Variants in CHN2 observed in about 807,000 individuals in gnomAD.
The protein encoded by CHN2 is chimerin 2.
In CHN2, 35 loss-of-function variants were observed where a neutral mutation model predicts 56.3. That is an observed-to-expected ratio of 0.62 (90% CI 0.47 to 0.82). The LOEUF (loss-of-function observed/expected upper bound fraction) is 0.82, where lower values mean the gene tolerates loss of function less well. Ranked by LOEUF, CHN2 falls within the 40% of genes least tolerant of loss-of-function variation. The pLI is 0.00. For synonymous variants in CHN2, 210 were observed against 212.8 expected (o/e 0.99, Z 0.12); for missense variants, 491 against 580.5 (o/e 0.85, Z 1.58).
At chr7:29,355,649 A>G (rs1585144244) in intron 2 of CHN2, among the ~76,000 whole-genome samples, 2 of 151,946 alleles carry the variant, frequency 1.3e-5, no homozygotes, top group Non-Finnish European at 2.9e-5. Context: ...TTCTGCTGTC[A>G]TCATTAGCAT....
intron 12 of CHN2, among the ~76,000 whole-genome samples, chr7:29,510,557 C>A (rs892855575): frequency 2.8e-4 from 42 of 152,168 alleles, no homozygotes; most frequent in African/African-American, 9.6e-4. Context: ...AGGCCTCACT[C>A]CCTCACCAGC....
chr7:29,212,978 G>A lies in CHN2; in HGVS notation c.49+17988G>A, dbSNP rs902871719. ...CACTCCTGGAACACTCAGACCTGGT[G>A]CACCCAGTCCTGGAACAATCAGGCC... On this transcript the variant is annotated intron_variant, in intron 1 of 12. Transcript: ENST00000222792. 5.6e-6 allele frequency: 9 copies of A among 1,609,388 alleles called. No homozygotes were observed. In the African/African-American group the frequency reaches 1.1e-4, roughly 19 times the overall value.
chr7:29,330,435 G>C (rs1464617348), intron 1 of CHN2, among the ~76,000 whole-genome samples: 1 of 152,190 alleles, frequency 6.6e-6, no homozygotes, highest in Non-Finnish European at 1.5e-5. Context: ...GTAAGAAAAA[G>C]AGAGTCCCCC....
At chr7:29,211,750 T>C (rs192459711) in intron 1 of CHN2, among the ~76,000 whole-genome samples, 121 of 152,318 alleles carry the variant, frequency 7.9e-4, no homozygotes, top group East Asian at 1.5e-3. Context: ...AGGCCCATAG[T>C]ACTATTTAAT....
At chr7:29,291,735 GT>G (rs59227095) in intron 1 of CHN2, among the ~76,000 whole-genome samples, 29 of 151,828 alleles carry the variant, frequency 1.9e-4, no homozygotes, top group African/African-American at 6.5e-4. Flanking sequence ...CATCCTTAAT[GT>G]TTTTTTTAAG....
chr7:29,264,883 AAAC>A (rs1554383529), intron 1 of CHN2, among the ~76,000 whole-genome samples: 27 of 151,560 alleles, frequency 1.8e-4, no homozygotes, highest in African/African-American at 5.6e-4. Context: ...AAAAAAAAAA[AAAC>A]AAGTTAATTT....
intron 1 of CHN2, among the ~76,000 whole-genome samples, chr7:29,308,478 TG>T (rs1321159318): frequency 1.3e-5 from 2 of 152,092 alleles, no homozygotes; most frequent in African/African-American, 4.8e-5. Context: ...TGTGTGTGTG[TG>T]TGTTGGGATA....
chr7:29,491,618 A>C (rs564845470), intron 7 of CHN2, among the ~76,000 whole-genome samples: 13 of 152,292 alleles, frequency 8.5e-5, no homozygotes, highest in African/African-American at 2.6e-4. Flanking sequence ...TATGTTGCCC[A>C]GGCTGGTCTC....
chr7:29,340,416 A>G (rs1270045811), intron 1 of CHN2, among the ~76,000 whole-genome samples: 2 of 151,992 alleles, frequency 1.3e-5, no homozygotes, highest in East Asian at 3.9e-4. Flanking sequence ...GGGCCTCAAT[A>G]TTTAGCAGCC....
chr7:29,435,848 G>A (rs530748409), intron 6 of CHN2, among the ~76,000 whole-genome samples: 41 of 143,934 alleles, frequency 2.8e-4, no homozygotes, highest in Non-Finnish European at 4.7e-4. Context: ...ATTAAGCTGA[G>A]AAAAAAAATT....
chr7:29,269,638 A>T (rs1328302095), intron 1 of CHN2, among the ~76,000 whole-genome samples: 1 of 152,240 alleles, frequency 6.6e-6, no homozygotes, highest in South Asian at 2.1e-4. Flanking sequence ...GCTGTTTTCC[A>T]TAGTGGCTGT....
At chr7:29,203,134 A>G (rs1007231039) in intron 1 of CHN2, among the ~76,000 whole-genome samples, 1 of 152,234 alleles carries the variant, frequency 6.6e-6, no homozygotes, top group Admixed American at 6.5e-5. Flanking sequence ...TATCTGACTC[A>G]TAACCTTTGA....
chr7:29,159,565 G>T (rs1794897831), intron 2 of CHN2, among the ~76,000 whole-genome samples: 1 of 152,020 alleles, frequency 6.6e-6, no homozygotes, highest in African/African-American at 2.4e-5. Flanking sequence ...GATGAAATGG[G>T]GTGGCTAATT....
intron 6 of CHN2, among the ~76,000 whole-genome samples, chr7:29,449,636 G>A (rs1433485763): frequency 1.3e-5 from 2 of 152,226 alleles, no homozygotes; most frequent in Non-Finnish European, 2.9e-5. Flanking sequence ...CATTCATTCA[G>A]AATCATTTAT....
intron 6 of CHN2, among the ~76,000 whole-genome samples, chr7:29,467,914 G>A (rs541305589): frequency 4.6e-5 from 7 of 152,168 alleles, no homozygotes; most frequent in South Asian, 4.2e-4. Flanking sequence ...TTGCTGATAC[G>A]ATTCTAATAA....
chr7:29,392,797 G>A (rs1432237741), intron 3 of CHN2, among the ~76,000 whole-genome samples: 1 of 152,142 alleles, frequency 6.6e-6, no homozygotes, highest in Non-Finnish European at 1.5e-5. Flanking sequence ...AAATGACTGT[G>A]AATAAAACAG....
intron 7 of CHN2, chr7:29,483,818 A>G (rs1237035336): frequency 5.7e-6 from 7 of 1,226,332 alleles, no homozygotes; most frequent in Non-Finnish European, 7.3e-6. Context: ...CACTTAGCAC[A>G]GTGCTGAGGT....
intron 1 of CHN2, among the ~76,000 whole-genome samples, chr7:29,252,585 T>G (rs1369924040): frequency 2.6e-4 from 6 of 23,068 alleles, no homozygotes; most frequent in Admixed American, 5.6e-4. Context: ...TTTGTTTTTT[T>G]TTTTTTTTTT....
At chr7:29,435,958 G>A (rs1404233693) in intron 6 of CHN2, among the ~76,000 whole-genome samples, 1 of 148,186 alleles carries the variant, frequency 6.7e-6, no homozygotes, top group Non-Finnish European at 1.5e-5. Context: ...TGGATTCTAG[G>A]AGATAATCGG....
Sources: gnomAD v4.1 joint callset for allele counts (sites outside exome capture counted in the v4.1 genomes callset) on GRCh38, gnomAD v4.1.1 for gene constraint, MANE v1.5 for transcripts, NCBI Gene and HGNC (gene_info 2026-07-23, HGNC 2026-07-21) for gene names.